CSMD1: variants seen among roughly 807,000 people sequenced by gnomAD.
CSMD1 encodes CUB and Sushi multiple domains 1.
A neutral mutation model predicts 417.5 loss-of-function variants in CSMD1; 213 were observed. The observed-to-expected ratio is 0.51, with a 90% CI of 0.46 to 0.57. CSMD1 has a LOEUF of 0.57. CSMD1 is among the 20% of genes least tolerant of loss of function. The probability of loss-of-function intolerance (pLI) is 0.00; values close to 1 mark genes in which losing one functional copy is unlikely to be tolerated. For synonymous variants in CSMD1, 2,862 were observed against 1,736.8 expected (o/e 1.65, Z -16.11); for missense variants, 6,923 against 4,529.7 (o/e 1.53, Z -15.17).
At chr8:4,935,353 G>A (rs145113877) in intron 1 of CSMD1, among the ~76,000 whole-genome samples, 10 of 152,238 alleles carry the variant, frequency 6.6e-5, no homozygotes, top group East Asian at 5.8e-4. Flanking sequence ...TGGAGACATC[G>A]CCCTGTGTGT....
intron 3 of CSMD1, among the ~76,000 whole-genome samples, chr8:4,159,908 G>T (rs1027428803): frequency 1.3e-5 from 2 of 151,808 alleles, no homozygotes; most frequent in Non-Finnish European, 2.9e-5. Flanking sequence ...AAAGGCTTAA[G>T]AATGATATAA....
intron 50 of CSMD1, among the ~76,000 whole-genome samples, chr8:3,033,273 AAAC>A (rs1349953013): frequency 2.1e-4 from 32 of 152,244 alleles, no homozygotes; most frequent in African/African-American, 6.5e-4. Context: ...TTGATTGAAT[AAAC>A]AATATGATAA....
At chr8:4,872,515 A>C (rs960864236) in intron 1 of CSMD1, among the ~76,000 whole-genome samples, 1 of 151,920 alleles carries the variant, frequency 6.6e-6, no homozygotes, top group Non-Finnish European at 1.5e-5. Flanking sequence ...GTTCCCTTTC[A>C]CCTTCCACCA....
intron 5 of CSMD1, among the ~76,000 whole-genome samples, chr8:3,854,535 G>C (rs777039837): frequency 6.6e-6 from 1 of 152,034 alleles, no homozygotes; most frequent in Non-Finnish European, 1.5e-5. Flanking sequence ...CACGGGTTAT[G>C]GGCAGTTTCA....
chr8:3,774,379 G>A (rs1994052), intron 5 of CSMD1, among the ~76,000 whole-genome samples: 44,376 of 151,996 alleles, frequency 0.29, 7,930 homozygotes, highest in African/African-American at 0.51. Flanking sequence ...TCATCTCCCC[G>A]GGATGCAAAA....
chr8:4,806,543 T>C (rs1007712987), intron 1 of CSMD1, among the ~76,000 whole-genome samples: 13 of 152,222 alleles, frequency 8.5e-5, no homozygotes, highest in Non-Finnish European at 1.6e-4. Flanking sequence ...ACCGTGCTAC[T>C]AGCATATTAA....
intron 68 of CSMD1, among the ~76,000 whole-genome samples, chr8:2,943,900 T>C (rs1313866490): frequency 1.3e-5 from 2 of 152,196 alleles, no homozygotes; most frequent in Non-Finnish European, 2.9e-5. Context: ...GTTGCTGTAT[T>C]TATTGTTTTA....
intron 3 of CSMD1, among the ~76,000 whole-genome samples, chr8:4,191,682 G>A (rs780486001): frequency 7.0e-6 from 1 of 143,378 alleles, no homozygotes; most frequent in Non-Finnish European, 1.5e-5. Flanking sequence ...ATTGATTTCA[G>A]TTCTTTGTGC....
At chr8:4,529,312 C>CA (rs906576455) in intron 2 of CSMD1, among the ~76,000 whole-genome samples, 5 of 151,492 alleles carry the variant, frequency 3.3e-5, no homozygotes, top group South Asian at 2.1e-4. Flanking sequence ...AGATTGTATG[C>CA]AAAAAAAATT....
chr8:4,030,328 A>T (rs1484782297), intron 4 of CSMD1, among the ~76,000 whole-genome samples: 1 of 152,192 alleles, frequency 6.6e-6, no homozygotes, highest in African/African-American at 2.4e-5. Context: ...GACATCTAGG[A>T]ATTTCTATAC....
At chr8:4,283,427 G>A (rs898774804) in intron 3 of CSMD1, among the ~76,000 whole-genome samples, 1 of 151,914 alleles carries the variant, frequency 6.6e-6, no homozygotes, top group Non-Finnish European at 1.5e-5. Flanking sequence ...TTTTCATCTG[G>A]GTACAGGATT....
At chr8:3,138,104 T>C (rs892556119) in intron 41 of CSMD1, among the ~76,000 whole-genome samples, 13 of 152,166 alleles carry the variant, frequency 8.5e-5, no homozygotes, top group Admixed American at 1.3e-4. Context: ...CGGGTGCCTG[T>C]AATCCCAGCT....
chr8:3,345,578 C>T (rs978598824), intron 22 of CSMD1, among the ~76,000 whole-genome samples: 8 of 152,158 alleles, frequency 5.3e-5, no homozygotes, highest in African/African-American at 7.2e-5. Flanking sequence ...TTCTGTACAA[C>T]ATTTCCTAGT....
intron 2 of CSMD1, among the ~76,000 whole-genome samples, chr8:4,467,520 C>A (rs1218088016): frequency 6.6e-6 from 1 of 152,148 alleles, no homozygotes; most frequent in African/African-American, 2.4e-5. Flanking sequence ...GCACAGACAA[C>A]TTTTTTCTTT....
intron 6 of CSMD1, among the ~76,000 whole-genome samples, chr8:3,753,046 G>A (rs1797440649): frequency 6.6e-6 from 1 of 152,178 alleles, no homozygotes; most frequent in Non-Finnish European, 1.5e-5. Context: ...TCCGTGACCT[G>A]CTAGTTCCTG....
chr8:4,519,246 A>C (rs920776350), intron 2 of CSMD1, among the ~76,000 whole-genome samples: 4 of 152,138 alleles, frequency 2.6e-5, no homozygotes, highest in Non-Finnish European at 4.4e-5. Context: ...ATGCATACTC[A>C]ATGCTGGCCT....
Position 4,402,806 on chromosome 8 carries a change from T to A in CSMD1, c.415+17147A>T, listed in dbSNP as rs1278360228. On this transcript the variant is annotated intron_variant, in intron 3 of 69. Coordinates refer to ENST00000635120, the MANE Select transcript of CSMD1 (RefSeq NM_033225.6). ...ATAATGTCCTCACTTTTTTCTTTTTTTTTTTTTTTTTTTTCTTTTTTTTTT... is the reference window on the plus strand; with the variant it reads ...ATAATGTCCTCACTTTTTTCTTTTTATTTTTTTTTTTTTTCTTTTTTTTTT... Among the ~76,000 whole-genome samples the A allele has an allele frequency of 7.4e-3, 492 of 66,832 alleles. 3 individuals carry two copies. Among genetic ancestry groups the A allele is most frequent in the African/African-American group, 0.023 (462 of 19,768 alleles). The allele number at this position is 66,832 out of a possible 152,430, so 43.8% of individuals were successfully genotyped here. A position where few individuals can be genotyped will look rare whatever the true frequency, so the allele number is the denominator to read the frequency against.
chr8:4,294,067 G>A (rs969990517), intron 3 of CSMD1, among the ~76,000 whole-genome samples: 11 of 152,126 alleles, frequency 7.2e-5, no homozygotes, highest in African/African-American at 1.9e-4. Context: ...CTATTGCACC[G>A]AAATACTGCG....
chr8:4,125,606 CTG>C (rs1313788335), intron 3 of CSMD1, among the ~76,000 whole-genome samples: 4 of 152,190 alleles, frequency 2.6e-5, no homozygotes, highest in Non-Finnish European at 5.9e-5. Flanking sequence ...AGAATTATAA[CTG>C]AGGAAATTAT....
Sources: gnomAD v4.1 joint callset for allele counts (sites outside exome capture counted in the v4.1 genomes callset) on GRCh38, gnomAD v4.1.1 for gene constraint, MANE v1.5 for transcripts, NCBI Gene and HGNC (gene_info 2026-07-23, HGNC 2026-07-21) for gene names.